VWA3A: variants seen among roughly 807,000 people sequenced by gnomAD.
The protein encoded by VWA3A is von Willebrand factor A domain containing 3A.
A neutral mutation model predicts 160.4 loss-of-function variants in VWA3A; 134 were observed. The ratio of observed to expected loss-of-function variants is 0.84; its 90% CI spans 0.73 to 0.96. The LOEUF is 0.96. Among genes scored for constraint, VWA3A ranks in the 40% least tolerant of loss-of-function variants. VWA3A has a pLI of 0.00. For synonymous variants in VWA3A, 476 were observed against 543.4 expected, an observed-to-expected ratio of 0.88 and a Z score of 1.72; for missense variants, 1,310 against 1,447.9, an observed-to-expected ratio of 0.90 and a Z score of 1.55.
At chr16:22,122,324 G>C (rs968304029) in intron 14 of VWA3A, among the ~76,000 whole-genome samples, 1 of 151,992 alleles carries the variant, frequency 6.6e-6, no homozygotes, top group African/African-American at 2.4e-5. Context: ...TGGATGGATG[G>C]ATGCATGGAT....
At chr16:22,093,909 T>A (rs541300675) in intron 1 of VWA3A, among the ~76,000 whole-genome samples, 2 of 151,272 alleles carry the variant, frequency 1.3e-5, no homozygotes, top group Non-Finnish European at 2.9e-5. Context: ...GGACTACAGG[T>A]GCGCACTGCC....
At chr16:22,135,604 A>G (rs1369490203) in intron 21 of VWA3A, among the ~76,000 whole-genome samples, 1 of 152,052 alleles carries the variant, frequency 6.6e-6, no homozygotes, top group Non-Finnish European at 1.5e-5. Context: ...AGTGTCTCCT[A>G]GAAGCCATTG....
chr16:22,149,035 A>G (rs1302167109), intron 28 of VWA3A, among the ~76,000 whole-genome samples: 1 of 152,136 alleles, frequency 6.6e-6, no homozygotes, highest in Non-Finnish European at 1.5e-5. Flanking sequence ...TTCTTGCCTT[A>G]ATCAGAGTAT....
intron 24 of VWA3A, among the ~76,000 whole-genome samples, 198 bp from the exon 25 acceptor site, chr16:22,142,470 G>A (rs2046168510): frequency 1.3e-5 from 2 of 152,004 alleles, no homozygotes; most frequent in African/African-American, 2.4e-5. Flanking sequence ...AGCCCTTGCG[G>A]CAAGTAATAG....
chr16:22,144,303 T>C lies in VWA3A; in HGVS notation c.2649T>C (p.Gly883=). 1 of 1,613,652 alleles carries C rather than the reference T, an allele frequency of 6.2e-7. No individual in the cohort carries two copies. Among genetic ancestry groups the C allele is most frequent in the Non-Finnish European group, 8.5e-7 (1 of 1,179,826 alleles). ...AGCTGGAGATTTCCAGATGCATGGG[T>C]CCCAACTGCACTCATCAAAAGTCAG... ...KLKLEISRCM[G]PNCTHQKSGQ... Residue 883 remains glycine (G), a synonymous_variant, in exon 26 of 34, where the codon GGT becomes GGC. Coordinates refer to ENST00000389398, the MANE Select transcript of VWA3A (RefSeq NM_173615.5).
intron 21 of VWA3A, among the ~76,000 whole-genome samples, chr16:22,137,330 A>G (rs118148337): frequency 0.038 from 5,859 of 152,234 alleles, 175 homozygotes; most frequent in Non-Finnish European, 0.059. Flanking sequence ...TGAGTATTAC[A>G]CCATTAGTCT....
intron 10 of VWA3A, 57 bp downstream of exon 10, chr16:22,116,924 T>A: frequency 1.3e-6 from 2 of 1,562,522 alleles, no homozygotes; most frequent in Non-Finnish European, 1.8e-6. Flanking sequence ...TGAGCTGGGC[T>A]GGCCTTTGAG....
chr16:22,150,759 G>T lies in VWA3A; in HGVS notation c.3194G>T (p.Ser1065Ile). 2 of 1,613,026 alleles carry T rather than the reference G, an allele frequency of 1.2e-6. No individual in the cohort carries two copies. The highest frequency in any genetic ancestry group is 1.7e-6 in the Non-Finnish European group (2 of 1,179,474). The change falls in exon 30 of 34, where the codon AGC becomes ATC. Residue 1065 changes from serine to isoleucine, a missense_variant. Transcript: ENST00000389398. ...YLLTDGKPDT[S>I]CSLVLNEVQK... The stretch of plus-strand genomic sequence containing the variant: ...CTGACCGACGGAAAGCCAGACACAA[G>T]CTGCAGCCTTGTCCTAAATGAAGTC...
At chr16:22,153,574 A>C (rs765817143) in intron 31 of VWA3A, among the ~76,000 whole-genome samples, 12 of 152,084 alleles carry the variant, frequency 7.9e-5, no homozygotes, top group Non-Finnish European at 1.6e-4. Flanking sequence ...TCAATGATCC[A>C]CTTCTGACTT....
intron 3 of VWA3A, among the ~76,000 whole-genome samples, chr16:22,099,213 T>TA (rs1431656758): frequency 2.0e-5 from 3 of 152,172 alleles, no homozygotes; most frequent in African/African-American, 7.2e-5. Context: ...TTTCCCTAGA[T>TA]ATGCGACAGG....
At chr16:22,129,995 C>A (rs548025862) in intron 17 of VWA3A, among the ~76,000 whole-genome samples, 20 of 152,238 alleles carry the variant, frequency 1.3e-4, no homozygotes, top group African/African-American at 4.8e-4. Context: ...TGAGACCAGC[C>A]TGGCCGACGT....
chr16:22,125,333 C>G (rs1266822380), intron 16 of VWA3A, among the ~76,000 whole-genome samples: 1 of 151,954 alleles, frequency 6.6e-6, no homozygotes, highest in Non-Finnish European at 1.5e-5. Context: ...CTTCAGTGAG[C>G]CACGATCGCA....
chr16:22,121,479 C>A, intron 13 of VWA3A, 35 bp from the exon 14 acceptor site: 1 of 1,525,222 alleles, frequency 6.6e-7, no homozygotes, highest in South Asian at 1.1e-5. Flanking sequence ...TGGAGCTTCT[C>A]AGGCAGTGCC....
intron 28 of VWA3A, 95 bp from the exon 29 acceptor site, chr16:22,149,691 AG>A: frequency 1.4e-6 from 2 of 1,397,208 alleles, no homozygotes; most frequent in Non-Finnish European, 1.9e-6. Flanking sequence ...AGTCCTCATG[AG>A]GGTAACTTAT....
rs1000636590 is a variant in VWA3A, at chr16:22,126,263, C to A, written c.1618C>A (p.Gln540Lys). ...CTCCCTGCGGCTGCTGCTGGAGGAG[C>A]AGTTATCCAACAAGGACTGTTTCAA... ...QHSLRLLLEE[Q>K]LSNKDCFNLI... Residue 540 changes from glutamine to lysine, a missense_variant, in exon 17 of 34, where the codon CAG (glutamine) becomes AAG (lysine). By Grantham distance (53) the Gln-to-Lys change is moderately conservative. Coordinates refer to ENST00000389398, the MANE Select transcript of VWA3A (RefSeq NM_173615.5). 5 of 1,613,944 alleles carry A rather than the reference C, an allele frequency of 3.1e-6. No individual in the cohort carries two copies. The highest frequency in any genetic ancestry group is 1.1e-5 in the South Asian group (1 of 91,072).
chr16:22,102,306 G>GT lies in VWA3A; in HGVS notation c.429-1168dup, dbSNP rs1164680129. On this transcript the variant is annotated intron_variant, in intron 5 of 33. Transcript: ENST00000389398. ...GTTGAAGCTGCAGTGAGCCATGATC[G>GT]TACCACTGCACTCCAGCCTGGGCAA... is the stretch of plus-strand genomic sequence containing the variant. Among the ~76,000 whole-genome samples, 8 of 151,992 alleles carry GT rather than the reference G, an allele frequency of 5.3e-5. No homozygotes were observed. The East Asian group carries it at 1.2e-3, about 22-fold the overall frequency.
At chr16:22,108,740 T>C (rs755087976) in intron 6 of VWA3A, among the ~76,000 whole-genome samples, 2 of 152,164 alleles carry the variant, frequency 1.3e-5, no homozygotes, top group Non-Finnish European at 2.9e-5. Context: ...CAATCCACAA[T>C]GCAGCTATAA....
chr16:22,120,039 T>G (rs556306123), intron 12 of VWA3A, among the ~76,000 whole-genome samples: 1 of 152,184 alleles, frequency 6.6e-6, no homozygotes, highest in Admixed American at 6.5e-5. Context: ...TTATAATAGT[T>G]CTCATTTATT....
In VWA3A at chr16:22,107,583, A is replaced by C. The variant is rs143201859; in HGVS notation, c.484-1899A>C. ...GCAGTAAGACCCTATCTCTACAAAAAATTTTAAAAAAAAATAGCCAGGTGT... is the reference window on the plus strand; with the variant it reads ...GCAGTAAGACCCTATCTCTACAAAACATTTTAAAAAAAAATAGCCAGGTGT... On this transcript the variant is annotated intron_variant, in intron 6 of 33. Coordinates refer to ENST00000389398, the MANE Select transcript of VWA3A (RefSeq NM_173615.5). 8.7e-4 allele frequency among the ~76,000 whole-genome samples: 132 copies of C among 152,224 alleles called. 1 individual carries two copies. The highest frequency in any genetic ancestry group is 3.0e-3 in the African/African-American group (126 of 41,536).
Sources: gnomAD v4.1 joint callset for allele counts (sites outside exome capture counted in the v4.1 genomes callset) on GRCh38, gnomAD v4.1.1 for gene constraint, MANE v1.5 for transcripts, NCBI Gene and HGNC (gene_info 2026-07-23, HGNC 2026-07-21) for gene names.